The following KCNAB1 variants were observed in gnomAD, a reference collection of about 807,000 sequenced individuals.
KCNAB1 encodes potassium voltage-gated channel subfamily A regulatory beta subunit 1.
In KCNAB1, 35 loss-of-function variants were observed where a neutral mutation model predicts 64.6. The observed-to-expected ratio is 0.54, with a 90% confidence interval of 0.41 to 0.72. The LOEUF (loss-of-function observed/expected upper bound fraction) is 0.72. Ranked by LOEUF, KCNAB1 falls within the 30% of genes least tolerant of loss-of-function variation. The pLI, the probability that KCNAB1 is intolerant of heterozygous loss-of-function variation, is 0.00. For synonymous variants in KCNAB1, 177 were observed against 183.8 expected (o/e 0.96, Z 0.30); for missense variants, 401 against 512.9 (o/e 0.78, Z 2.11).
intron 1 of KCNAB1, among the ~76,000 whole-genome samples, chr3:156,221,788 A>ACCC (rs1560144079): frequency 5.8e-5 from 8 of 137,484 alleles, no homozygotes; most frequent in African/African-American, 1.9e-4. Flanking sequence ...CCCCCCGCCA[A>ACCC]AAAAAAAGTT....
chr3:156,293,575 GA>G (rs1382140982), intron 1 of KCNAB1, among the ~76,000 whole-genome samples: 2 of 152,106 alleles, frequency 1.3e-5, no homozygotes, highest in African/African-American at 4.8e-5. Context: ...GAGCCATTAA[GA>G]AAAAAAGTCC....
At chr3:156,339,152 G>A (rs1490024084) in intron 1 of KCNAB1, among the ~76,000 whole-genome samples, 3 of 152,144 alleles carry the variant, frequency 2.0e-5, no homozygotes, top group Non-Finnish European at 4.4e-5. Context: ...TGATTGTGAA[G>A]TTTCCCCCTA....
intron 1 of KCNAB1, among the ~76,000 whole-genome samples, chr3:156,197,076 T>G (rs554004083): frequency 6.6e-6 from 1 of 152,218 alleles, no homozygotes; most frequent in Non-Finnish European, 1.5e-5. Context: ...GTTTTTGTCA[T>G]TGGCTCTGTT....
chr3:156,259,091 G>T (rs1161974762), intron 1 of KCNAB1, among the ~76,000 whole-genome samples: 1 of 152,092 alleles, frequency 6.6e-6, no homozygotes, highest in Non-Finnish European at 1.5e-5. Context: ...TTAAACCTTT[G>T]AACACCTTTG....
At chr3:156,469,279 C>T (rs1306836098) in intron 7 of KCNAB1, among the ~76,000 whole-genome samples, 3 of 102,052 alleles carry the variant, frequency 2.9e-5, no homozygotes, top group African/African-American at 7.8e-5. Flanking sequence ...TTTTTGGAGA[C>T]AGAGTCTTAC....
chr3:156,128,185 A>C (rs577562865), intron 1 of KCNAB1, among the ~76,000 whole-genome samples: 1 of 152,344 alleles, frequency 6.6e-6, no homozygotes, highest in South Asian at 2.1e-4. Context: ...AGGTTTTTAA[A>C]GTTCTCCAGA....
At chr3:156,382,608 G>C (rs759203351) in intron 1 of KCNAB1, among the ~76,000 whole-genome samples, 1 of 152,182 alleles carries the variant, frequency 6.6e-6, no homozygotes, top group Non-Finnish European at 1.5e-5. Flanking sequence ...TGTCCCACTA[G>C]CTTCTGGGAA....
At chr3:156,158,711 T>C (rs1048369391) in intron 1 of KCNAB1, among the ~76,000 whole-genome samples, 1 of 152,226 alleles carries the variant, frequency 6.6e-6, no homozygotes. Flanking sequence ...TTCTTGATAA[T>C]GGCTTCATTC....
rs111751590 is a variant in KCNAB1, at chr3:156,454,452, A to T, written c.357+1516A>T. ...AGCAGGTCTGACCTCGGGCTAGGTG[A>T]CTCTCTCTAGCCAAGTGCAATTTCC... On this transcript the variant is annotated intron_variant, in intron 3 of 13. Coordinates refer to ENST00000490337, the MANE Select transcript of KCNAB1 (RefSeq NM_172160.3). Among the ~76,000 whole-genome samples the T allele has an allele frequency of 1.6e-3, 237 of 152,130 alleles. 1 individual carries two copies. The highest frequency in any genetic ancestry group is 4.7e-3 in the African/African-American group (194 of 41,510).
chr3:156,281,335 A>T (rs1325108091), intron 1 of KCNAB1, among the ~76,000 whole-genome samples: 1 of 152,058 alleles, frequency 6.6e-6, no homozygotes, highest in East Asian at 1.9e-4. Flanking sequence ...ATGGTGGATA[A>T]GCTTTTTGAT....
At position 156,291,880 on chromosome 3, in the gene KCNAB1, G is replaced by A. The variant is rs534966292; in HGVS notation, c.276-129736G>A. ...GACTGCCTGTGTTCTGGGGTTCTGA[G>A]AGGGACCGTGCGCTGCCTGGGGAAG... On this transcript the variant is annotated intron_variant, in intron 1 of 13. Transcript: ENST00000490337. The A allele has an allele frequency of 5.9e-5, 95 of 1,613,430 alleles. No homozygotes were observed. In the South Asian group the frequency reaches 9.3e-4, roughly 16 times the overall value.
At chr3:156,450,167 G>A (rs1250309336) in intron 2 of KCNAB1, among the ~76,000 whole-genome samples, 2 of 152,184 alleles carry the variant, frequency 1.3e-5, no homozygotes, top group Non-Finnish European at 2.9e-5. Context: ...TGGGGATAGT[G>A]TACCTACAAA....
intron 8 of KCNAB1, among the ~76,000 whole-genome samples, chr3:156,490,743 C>T (rs746981781): frequency 6.6e-6 from 1 of 152,004 alleles, no homozygotes; most frequent in Admixed American, 6.6e-5. Flanking sequence ...TGAAGGATAT[C>T]TTGAGAGAGA....
intron 1 of KCNAB1, among the ~76,000 whole-genome samples, chr3:156,389,869 T>C (rs1258226216): frequency 2.0e-5 from 3 of 152,228 alleles, no homozygotes; most frequent in Admixed American, 1.3e-4. Flanking sequence ...TAAAGCTTTA[T>C]TGGAATATAG....
At chr3:156,295,905 G>A (rs959318988) in intron 1 of KCNAB1, among the ~76,000 whole-genome samples, 1 of 152,070 alleles carries the variant, frequency 6.6e-6, no homozygotes, top group Admixed American at 6.5e-5. Flanking sequence ...TATACAATAC[G>A]TTATTGTTAA....
At chr3:156,200,293 A>G (rs74567112) in intron 1 of KCNAB1, among the ~76,000 whole-genome samples, 8,496 of 152,284 alleles carry the variant, frequency 0.056, 335 homozygotes, top group Middle Eastern at 0.12. Context: ...GTTAGGAGGC[A>G]TGGGTTTCAT....
At chr3:156,300,597 G>C (rs1304414759) in intron 1 of KCNAB1, among the ~76,000 whole-genome samples, 1 of 151,918 alleles carries the variant, frequency 6.6e-6, no homozygotes. Flanking sequence ...TGCATGCCCT[G>C]GTCATGCTTC....
rs566716948 is a variant in KCNAB1 at position 156,461,440 on chromosome 3, A to G, written c.482+1569A>G. Among the ~76,000 whole-genome samples, 3 of 152,362 alleles carry G rather than the reference A, an allele frequency of 2.0e-5. No individual in the cohort carries two copies. In the South Asian group the frequency reaches 6.2e-4, roughly 32 times the overall value. ...CTAAGTGTCTTCTGATAAAGACACC[A>G]GTCATATTGGATTACGGGCCTCCTC... On this transcript the variant is annotated intron_variant, in intron 5 of 13. Transcript: ENST00000490337.
intron 1 of KCNAB1, among the ~76,000 whole-genome samples, chr3:156,317,655 G>A (rs1722369683): frequency 6.6e-6 from 1 of 152,094 alleles, no homozygotes; most frequent in Non-Finnish European, 1.5e-5. Flanking sequence ...GAAACAAAGA[G>A]CAAAAGAGCA....
Sources: allele counts gnomAD v4.1 joint callset (sites outside exome capture counted in the v4.1 genomes callset), GRCh38; gene constraint gnomAD v4.1.1; transcripts MANE v1.5; gene names NCBI Gene and HGNC (gene_info 2026-07-23, HGNC 2026-07-21).